The following PCDH15 variants were observed in gnomAD, a reference collection of about 807,000 sequenced individuals.
PCDH15 encodes the protein protocadherin related 15, also known as protocadherin-15.
PCDH15 carries 129 observed loss-of-function variants against 178.5 expected under a neutral mutation model. The observed-to-expected ratio is 0.72, with a 90% CI of 0.63 to 0.84. The LOEUF (loss-of-function observed/expected upper bound fraction) is 0.84. Ranked by LOEUF, PCDH15 falls within the 40% of genes least tolerant of loss-of-function variation. PCDH15 has a pLI of 0.00. For missense variants in PCDH15, 2,230 were observed against 2,099.9 expected (o/e 1.06, Z -1.21); for synonymous variants, 800 against 732.0 (o/e 1.09, Z -1.50).
intron 2 of PCDH15, among the ~76,000 whole-genome samples, chr10:54,987,104 G>T (rs970821786): frequency 1.3e-5 from 2 of 152,034 alleles, no homozygotes; most frequent in African/African-American, 4.8e-5. Context: ...TTATGAGTGA[G>T]AACATGTGGT....
chr10:54,585,445 A>T (rs2091383562), intron 2 of PCDH15: 1 of 163,448 alleles, frequency 6.1e-6, no homozygotes, highest in Admixed American at 6.1e-5. Context: ...CCTACCTTAG[A>T]ATAAGGAGAG....
chr10:55,064,048 C>G (rs1841503119), intron 2 of PCDH15, among the ~76,000 whole-genome samples: 1 of 152,058 alleles, frequency 6.6e-6, no homozygotes, highest in African/African-American at 2.4e-5. Context: ...TCCTATTTTG[C>G]CAGGTTTCTA....
intron 1 of PCDH15, among the ~76,000 whole-genome samples, chr10:54,739,878 CA>C (rs2132784694): frequency 6.6e-6 from 1 of 152,004 alleles, no homozygotes; most frequent in South Asian, 2.1e-4. Context: ...ATACAAAAAT[CA>C]AATAAAAATG....
chr10:53,922,944 G>A (rs554703922), intron 25 of PCDH15, among the ~76,000 whole-genome samples: 16 of 152,054 alleles, frequency 1.1e-4, no homozygotes, highest in East Asian at 3.9e-4. Context: ...AAAATAAGCC[G>A]GGCATGGTGG....
intron 29 of PCDH15, among the ~76,000 whole-genome samples, chr10:53,835,074 GTT>G (rs2077228528): frequency 6.6e-6 from 1 of 152,120 alleles, no homozygotes; most frequent in Non-Finnish European, 1.5e-5. Flanking sequence ...TCTTTTCACA[GTT>G]TCATAACTGT....
chr10:55,131,231 C>A (rs1240636816), intron 2 of PCDH15, among the ~76,000 whole-genome samples: 1 of 152,134 alleles, frequency 6.6e-6, no homozygotes, highest in African/African-American at 2.4e-5. Context: ...AACAAATGAC[C>A]TTTTCACTGT....
At chr10:53,991,941 A>G (rs2091518234) in intron 21 of PCDH15, among the ~76,000 whole-genome samples, 1 of 152,154 alleles carries the variant, frequency 6.6e-6, no homozygotes, top group Non-Finnish European at 1.5e-5. Context: ...TGCCCAAGCC[A>G]GCAGCCGCAA....
At chr10:55,608,412 A>G (rs1194311724) in intron 2 of PCDH15, among the ~76,000 whole-genome samples, 1 of 151,612 alleles carries the variant, frequency 6.6e-6, no homozygotes, top group Admixed American at 6.6e-5. Context: ...AAAGAGTCTC[A>G]TCTCCTTTAA....
At chr10:53,932,510 G>T (rs578060572) in intron 25 of PCDH15, among the ~76,000 whole-genome samples, 89 of 152,250 alleles carry the variant, frequency 5.8e-4, no homozygotes, top group African/African-American at 1.9e-3. Context: ...TAAGGGCAGC[G>T]TTTTTTACTG....
intron 2 of PCDH15, among the ~76,000 whole-genome samples, chr10:55,512,466 G>A (rs1840907333): frequency 6.6e-6 from 1 of 151,858 alleles, no homozygotes; most frequent in Non-Finnish European, 1.5e-5. Context: ...AATAATGCAT[G>A]GTACCCTGAG....
At chr10:55,424,679 T>C (rs1190312276) in intron 2 of PCDH15, among the ~76,000 whole-genome samples, 1 of 152,074 alleles carries the variant, frequency 6.6e-6, no homozygotes, top group East Asian at 1.9e-4. Context: ...GGGAACTGCT[T>C]TGGTGTATAG....
At chr10:55,366,150 T>G (rs893715524) in intron 2 of PCDH15, 5 of 152,168 alleles carry the variant, frequency 3.3e-5, no homozygotes, top group African/African-American at 1.2e-4. Flanking sequence ...GCATGCATTT[T>G]CTTCGTAAAT....
At chr10:55,481,696 A>G (rs941051839) in intron 2 of PCDH15, among the ~76,000 whole-genome samples, 1 of 151,744 alleles carries the variant, frequency 6.6e-6, no homozygotes, top group Non-Finnish European at 1.5e-5. Flanking sequence ...GTGGTCTGAG[A>G]GACTGTTTGT....
intron 2 of PCDH15, among the ~76,000 whole-genome samples, chr10:55,607,871 A>T (rs1421479283): frequency 1.3e-5 from 2 of 151,952 alleles, no homozygotes; most frequent in African/African-American, 2.4e-5. Context: ...CACATTGTGC[A>T]CATGTACCCT....
At chr10:54,615,847 A>G (rs2093125750) in intron 2 of PCDH15, among the ~76,000 whole-genome samples, 1 of 152,150 alleles carries the variant, frequency 6.6e-6, no homozygotes, top group African/African-American at 2.4e-5. Context: ...AAACATAAAT[A>G]CAGAGATAAG....
At chr10:54,823,003 T>A (rs1414637873) in intron 3 of PCDH15, among the ~76,000 whole-genome samples, 1 of 151,966 alleles carries the variant, frequency 6.6e-6, no homozygotes, top group East Asian at 1.9e-4. Context: ...TGCCTCAGCC[T>A]CCCGAGTAGC....
chr10:55,472,763 T>A (rs1839989062), intron 2 of PCDH15, among the ~76,000 whole-genome samples: 1 of 152,004 alleles, frequency 6.6e-6, no homozygotes, highest in Non-Finnish European at 1.5e-5. Context: ...AGAGACGGGG[T>A]TTCACCGTGT....
intron 3 of PCDH15, among the ~76,000 whole-genome samples, chr10:54,430,729 G>A (rs11004299): frequency 0.15 from 22,694 of 151,308 alleles, 1,803 homozygotes; most frequent in Middle Eastern, 0.24. Flanking sequence ...CAAACCAAAC[G>A]CAAAATTACT....
chr10:54,635,184 T>TAAATAAATAAAC (rs2093816097), intron 2 of PCDH15, among the ~76,000 whole-genome samples: 1 of 150,512 alleles, frequency 6.6e-6, no homozygotes, highest in Non-Finnish European at 1.5e-5. Flanking sequence ...AATAAATAAA[T>TAAATAAATAAAC]AAATAAATAA....
Sources: gnomAD v4.1 joint callset for allele counts (sites outside exome capture counted in the v4.1 genomes callset) on GRCh38, gnomAD v4.1.1 for gene constraint, MANE v1.5 for transcripts, NCBI Gene and HGNC (gene_info 2026-07-23, HGNC 2026-07-21) for gene names.